SERINC5: variants seen among roughly 807,000 people sequenced by gnomAD.
SERINC5 encodes the protein chromosome 5 open reading frame 12.
In SERINC5, 41 loss-of-function variants were observed where a neutral mutation model predicts 63.1. The observed-to-expected ratio is 0.65, with a 90% CI of 0.51 to 0.84. The LOEUF (loss-of-function observed/expected upper bound fraction) is 0.84, where lower values mean the gene tolerates loss of function less well. SERINC5 is among the 40% of genes least tolerant of loss of function. The pLI is 0.00. For synonymous variants in SERINC5, 222 were observed against 215.2 expected (o/e 1.03, Z -0.28); for missense variants, 523 against 573.0 (o/e 0.91, Z 0.89).
intron 2 of SERINC5, among the ~76,000 whole-genome samples, chr5:80,178,760 T>C (rs1748223226): frequency 6.7e-6 from 1 of 149,552 alleles, no homozygotes; most frequent in South Asian, 2.1e-4. Flanking sequence ...AGAGACTTCT[T>C]TTACTATCCA....
chr5:80,143,254 C>T lies in SERINC5; in HGVS notation c.*409G>A, dbSNP rs1369362672. 6 of 995,732 alleles carry T rather than the reference C, an allele frequency of 6.0e-6. No homozygotes were observed. Among genetic ancestry groups the T allele is most frequent in the East Asian group, 1.1e-4 (1 of 9,286 alleles). 61.7% of individuals were successfully genotyped at this position (995,732 alleles called of 1,614,324 possible). Reference sequence around the variant, plus strand: ...GAAGTGAGTGAGAGGGGTCTGGATTCTGTTAGGCGCTGGGGACTCAAGATT... The same window carrying T: ...GAAGTGAGTGAGAGGGGTCTGGATTTTGTTAGGCGCTGGGGACTCAAGATT... On this transcript the variant is annotated 3_prime_UTR_variant, in exon 12 of 12. Transcript: ENST00000507668.
At chr5:80,125,287 CAT>C (rs1284220044) in intron 11 of SERINC5, among the ~76,000 whole-genome samples, 9 of 152,180 alleles carry the variant, frequency 5.9e-5, no homozygotes, top group African/African-American at 2.2e-4. Context: ...TACTGTGAAA[CAT>C]GTTATGCTCA....
rs185076522 is a variant in SERINC5, at chr5:80,236,233, C to G, written c.27+19663G>C. The stretch of plus-strand genomic sequence containing the variant: ...CCAGCCACTGTTCCAAGCGCAAAAT[C>G]CTATAAAAGAGATCCTAGGGATTAT... On this transcript the variant is annotated intron_variant, in intron 1 of 11. Transcript: ENST00000507668. Among the ~76,000 whole-genome samples the G allele has an allele frequency of 3.2e-3, 492 of 152,180 alleles. 4 individuals carry two copies. Among genetic ancestry groups the G allele is most frequent in the South Asian group, 7.0e-3 (34 of 4,826 alleles).
chr5:80,201,003 G>T (rs906978285), intron 2 of SERINC5, among the ~76,000 whole-genome samples: 18 of 152,124 alleles, frequency 1.2e-4, no homozygotes, highest in African/African-American at 3.9e-4. Flanking sequence ...GGAGGCTGAG[G>T]TGGGAGAATT....
chr5:80,145,816 C>A (rs1166091897), intron 11 of SERINC5, among the ~76,000 whole-genome samples: 1 of 152,196 alleles, frequency 6.6e-6, no homozygotes, highest in Non-Finnish European at 1.5e-5. Flanking sequence ...TCAAGACCAG[C>A]CTGGCCAACA....
chr5:80,176,036 A>G (rs993144921), intron 4 of SERINC5, among the ~76,000 whole-genome samples: 2 of 151,718 alleles, frequency 1.3e-5, no homozygotes, highest in African/African-American at 4.8e-5. Context: ...AAAATTAGCC[A>G]GGCGTGGTGG....
rs1747991999 is a variant in SERINC5, at chr5:80,175,849, G to A, written c.458-802C>T. Among the ~76,000 whole-genome samples, 3 of 134,450 alleles carry A rather than the reference G, an allele frequency of 2.2e-5. No homozygotes were observed. The South Asian group carries it at 7.4e-4, about 33-fold the overall frequency. The allele number at this position is 134,450 out of a possible 152,430, so 88.2% of individuals were successfully genotyped here. A position where few individuals can be genotyped will look rare whatever the true frequency, so the allele number is the denominator to read the frequency against. ...ACTGCACTCCAGCCTGGGTGACAGA[G>A]CGAGACTTGGTCTCAAAAAAAAAAA... On this transcript the variant is annotated intron_variant, in intron 4 of 11. Coordinates refer to ENST00000507668, the MANE Select transcript of SERINC5 (RefSeq NM_001174072.3).
chr5:80,217,351 C>T (rs1185731080), intron 1 of SERINC5, among the ~76,000 whole-genome samples: 1 of 152,126 alleles, frequency 6.6e-6, no homozygotes, highest in Non-Finnish European at 1.5e-5. Flanking sequence ...CTGCCAAGCC[C>T]TTTCCAAGAG....
At chr5:80,179,232 G>T (rs1484169709) in intron 2 of SERINC5, among the ~76,000 whole-genome samples, 1 of 152,154 alleles carries the variant, frequency 6.6e-6, no homozygotes, top group Non-Finnish European at 1.5e-5. Context: ...CTGGGAGGCA[G>T]AGGTTGCAGC....
chr5:80,202,928 G>A lies in SERINC5; in HGVS notation c.153C>T (p.Cys51=), dbSNP rs770550743. The part of the protein sequence containing the change: ...LYFILVVVLC[C]IMMSTTVAHK... The stretch of plus-strand genomic sequence containing the variant: ...GAGCCACGGTTGTTGACATCATGAT[G>A]CAGCAGAGGACGACGACCAGAATGA... Residue 51 remains cysteine (C), a synonymous_variant, in exon 2 of 12, where the codon TGC becomes TGT. Coordinates refer to ENST00000507668, the MANE Select transcript of SERINC5 (RefSeq NM_001174072.3). The A allele has an allele frequency of 6.2e-7, 1 of 1,612,902 alleles. No homozygotes were observed. Among genetic ancestry groups the A allele is most frequent in the African/African-American group, 1.3e-5 (1 of 74,922 alleles).
intron 2 of SERINC5, among the ~76,000 whole-genome samples, chr5:80,185,785 A>C (rs1274801466): frequency 6.6e-6 from 1 of 152,106 alleles, no homozygotes; most frequent in Non-Finnish European, 1.5e-5. Flanking sequence ...TCATCACTTA[A>C]GGCAAGGACC....
At chr5:80,204,698 A>T (rs1460995454) in intron 1 of SERINC5, among the ~76,000 whole-genome samples, 1 of 152,228 alleles carries the variant, frequency 6.6e-6, no homozygotes, top group Non-Finnish European at 1.5e-5. Flanking sequence ...CAAGAGAAGA[A>T]GCCAAGAACT....
At chr5:80,251,298 A>ACATG (rs59570854) in intron 1 of SERINC5, among the ~76,000 whole-genome samples, 1,246 of 76,110 alleles carry the variant, frequency 0.016, 30 homozygotes, top group East Asian at 0.14. Context: ...ATGCATACAT[A>ACATG]CATACATACA....
chr5:80,148,052 G>C (rs1001481846), intron 9 of SERINC5, among the ~76,000 whole-genome samples: 3 of 152,014 alleles, frequency 2.0e-5, no homozygotes, highest in African/African-American at 7.2e-5. Flanking sequence ...GGTAGGATCT[G>C]AAATAGTAAA....
intron 1 of SERINC5, among the ~76,000 whole-genome samples, chr5:80,248,979 G>C (rs1157233824): frequency 6.6e-6 from 1 of 152,130 alleles, no homozygotes; most frequent in Non-Finnish European, 1.5e-5. Context: ...TAATGCAAAA[G>C]CTCATTAAGT....
At chr5:80,157,342 G>A (rs1186368850) in intron 8 of SERINC5, 1 of 151,578 alleles carries the variant, frequency 6.6e-6, no homozygotes, top group Non-Finnish European at 1.5e-5. Flanking sequence ...ACAAAAACAT[G>A]ATTTTATTCT....
Position 80,141,989 on chromosome 5 carries a change from T to C in SERINC5, c.*1674A>G. ...GAATGAATAGAAAGAATTTCACTAA[T>C]TTCACCCACCAGCATTTTGGCACAC... On this transcript the variant is annotated 3_prime_UTR_variant, in exon 12 of 12. Transcript: ENST00000507668. The C allele has an allele frequency of 1.0e-6, 1 of 985,364 alleles. No homozygotes were observed. The highest frequency in any genetic ancestry group is 1.2e-6 in the Non-Finnish European group (1 of 829,926). The allele number at this position is 985,364 out of a possible 1,614,324, so 61.0% of individuals were successfully genotyped here.
chr5:80,175,918 C>T (rs1341514789), intron 4 of SERINC5, among the ~76,000 whole-genome samples: 3 of 149,140 alleles, frequency 2.0e-5, no homozygotes, highest in Non-Finnish European at 4.4e-5. Context: ...GTGGCTCACA[C>T]CTGTAAATCC....
chr5:80,219,050 T>C (rs1750789624), intron 1 of SERINC5, among the ~76,000 whole-genome samples: 1 of 152,240 alleles, frequency 6.6e-6, no homozygotes, highest in Admixed American at 6.5e-5. Context: ...TCTAATATTT[T>C]TCACATAAAT....
Sources: allele counts gnomAD v4.1 joint callset (sites outside exome capture counted in the v4.1 genomes callset), GRCh38; gene constraint gnomAD v4.1.1; transcripts MANE v1.5; gene names NCBI Gene and HGNC (gene_info 2026-07-23, HGNC 2026-07-21).